The following ELFN1 variants were observed in gnomAD, a reference collection of about 807,000 sequenced individuals.
ELFN1 encodes protein ELFN1.
Under a neutral mutation model 7.6 loss-of-function variants are expected in ELFN1, and 6 were observed. The ratio of observed to expected loss-of-function variants is 0.79; its 90% CI spans 0.43 to 1.56. ELFN1 has a LOEUF of 1.56. ELFN1 is among the 40% of genes most tolerant of loss of function. The pLI, the probability that ELFN1 is intolerant of heterozygous loss-of-function variation, is 0.01. For synonymous variants in ELFN1, 657 were observed against 588.1 expected (o/e 1.12, Z -1.70); for missense variants, 1,169 against 1,232.2 (o/e 0.95, Z 0.77).
Position 1,678,148 on chromosome 7 carries a change from G to A in ELFN1, c.-549+7794G>A, listed in dbSNP as rs80340382. Among the ~76,000 whole-genome samples the A allele has an allele frequency of 8.4e-4, 128 of 152,278 alleles. 2 individuals carry two copies. In the East Asian group the frequency reaches 0.02, roughly 24 times the overall value. On this transcript the variant is annotated intron_variant, in intron 1 of 3. Coordinates refer to ENST00000424383, the MANE Select transcript of ELFN1 (RefSeq NM_001128636.4). Reference sequence around the variant, plus strand: ...GAATGGGCAGCTCCCAGCCCTGGGCGCCTGTGCCCTCACCATGCACAGTGT... The same window carrying A: ...GAATGGGCAGCTCCCAGCCCTGGGCACCTGTGCCCTCACCATGCACAGTGT...
chr7:1,737,580 T>G (rs1583395031), intron 3 of ELFN1, among the ~76,000 whole-genome samples: 1 of 152,102 alleles, frequency 6.6e-6, no homozygotes, highest in Admixed American at 6.5e-5. Context: ...TCCTTTTGAG[T>G]GTTCCCTCCA....
At chr7:1,704,268 C>T (rs911414798) in intron 2 of ELFN1, among the ~76,000 whole-genome samples, 2 of 152,076 alleles carry the variant, frequency 1.3e-5, no homozygotes, top group African/African-American at 4.8e-5. Context: ...TTCCCAGCAC[C>T]GATGGAGGCC....
At chr7:1,684,086 G>C (rs180827953) in intron 1 of ELFN1, among the ~76,000 whole-genome samples, 54 of 152,174 alleles carry the variant, frequency 3.5e-4, no homozygotes, top group East Asian at 1.9e-3. Flanking sequence ...GGAGGTTGAG[G>C]CTGCAGAAAG....
chr7:1,714,719 A>T (rs1779776116), intron 3 of ELFN1, among the ~76,000 whole-genome samples: 1 of 152,242 alleles, frequency 6.6e-6, no homozygotes, highest in Non-Finnish European at 1.5e-5. Context: ...TTCTTGTTGT[A>T]ATCAAGAGTT....
At chr7:1,697,940 C>G (rs1313941857) in intron 2 of ELFN1, among the ~76,000 whole-genome samples, 2 of 152,174 alleles carry the variant, frequency 1.3e-5, no homozygotes, top group African/African-American at 4.8e-5. Flanking sequence ...ACAGACAGGG[C>G]AGTGGGGCTG....
At position 1,746,951 on chromosome 7, in the gene ELFN1, G is replaced by A; in HGVS notation, c.2355G>A (p.Arg785=). 7 of 1,551,234 alleles carry A rather than the reference G, an allele frequency of 4.5e-6. No homozygotes were observed. Among genetic ancestry groups the A allele is most frequent in the Non-Finnish European group, 6.1e-6 (7 of 1,147,618 alleles). ...GGGAGCGCTTCAGACTGAGCCGCCG[G>A]CGGCACAAGGAGGAAGAGGAGTTCA... ...SIWERFRLSR[R]RHKEEEEFMA... The change falls in exon 4 of 4, where the codon CGG becomes CGA. Residue 785 remains arginine, a synonymous_variant. Coordinates refer to ENST00000424383, the MANE Select transcript of ELFN1 (RefSeq NM_001128636.4).
At chr7:1,701,516 A>G (rs1213480231) in intron 2 of ELFN1, among the ~76,000 whole-genome samples, 2 of 152,186 alleles carry the variant, frequency 1.3e-5, no homozygotes, top group South Asian at 2.1e-4. Context: ...TCAGTCATCA[A>G]TATATTTTTC....
intron 3 of ELFN1, among the ~76,000 whole-genome samples, chr7:1,709,633 C>T (rs1228668095): frequency 1.3e-5 from 2 of 152,214 alleles, no homozygotes; most frequent in Non-Finnish European, 2.9e-5. Context: ...AGATATGGTC[C>T]AGTGTTTGAG....
At chr7:1,689,548 C>G (rs541873734) in intron 2 of ELFN1, among the ~76,000 whole-genome samples, 106 of 152,332 alleles carry the variant, frequency 7.0e-4, no homozygotes, top group African/African-American at 2.5e-3. Context: ...CTGGTTCCAC[C>G]TTTGCTGGGG....
At chr7:1,701,426 G>A (rs1264269711) in intron 2 of ELFN1, among the ~76,000 whole-genome samples, 2 of 152,042 alleles carry the variant, frequency 1.3e-5, no homozygotes, top group African/African-American at 4.8e-5. Flanking sequence ...ATATTTTTAC[G>A]AGCAGAAATT....
At chr7:1,680,126 C>G (rs943876295) in intron 1 of ELFN1, among the ~76,000 whole-genome samples, 1 of 152,234 alleles carries the variant, frequency 6.6e-6, no homozygotes, top group African/African-American at 2.4e-5. Context: ...GCTCCGTGGT[C>G]TGGATACGAA....
intron 2 of ELFN1, among the ~76,000 whole-genome samples, chr7:1,690,636 T>C (rs1027002377): frequency 1.4e-5 from 2 of 147,780 alleles, no homozygotes; most frequent in Non-Finnish European, 3.0e-5. Context: ...GAAGGATGAA[T>C]GGATGAATGG....
intron 2 of ELFN1, among the ~76,000 whole-genome samples, chr7:1,699,428 G>A (rs983017485): frequency 6.6e-5 from 10 of 152,132 alleles, no homozygotes; most frequent in African/African-American, 2.2e-4. Flanking sequence ...ACTTGAGCCC[G>A]GGAGTTTGAA....
chr7:1,670,472 A>G lies in ELFN1; in HGVS notation c.-549+118A>G, dbSNP rs947690494. 1.3e-5 allele frequency among the ~76,000 whole-genome samples: 2 copies of G among 150,182 alleles called. No homozygotes were observed. Among genetic ancestry groups the G allele is most frequent in the African/African-American group, 2.5e-5 (1 of 40,718 alleles). On this transcript the variant is annotated intron_variant, in intron 1 of 3. Coordinates refer to ENST00000424383, the MANE Select transcript of ELFN1 (RefSeq NM_001128636.4). This position sits in a 1 kb window ranked among gnomAD's most constrained non-coding sequence, Gnocchi z 6.4. The stretch of plus-strand genomic sequence containing the variant: ...GAACCCCGGGCGTCCCCGAGTGCGC[A>G]GCGTGCGCCCCCAGCCCCTGCTGCG...
rs530244022 is a variant in ELFN1 at position 1,709,694 on chromosome 7, G to A, written c.-294+442G>A. Among the ~76,000 whole-genome samples, 8 of 152,370 alleles carry A rather than the reference G, an allele frequency of 5.3e-5. No individual in the cohort carries two copies. In the South Asian group the frequency reaches 1.0e-3, roughly 20 times the overall value. ...GGCATAGGTCACGTAGGTTAATATT[G>A]ACTTGCAGTATGTATTTGAAGCAGG... On this transcript the variant is annotated intron_variant, in intron 3 of 3. Coordinates refer to ENST00000424383, the MANE Select transcript of ELFN1 (RefSeq NM_001128636.4).
chr7:1,717,461 G>A (rs540120585), intron 3 of ELFN1, among the ~76,000 whole-genome samples: 1 of 152,218 alleles, frequency 6.6e-6, no homozygotes, highest in Non-Finnish European at 1.5e-5. Flanking sequence ...GAGGTAGGCA[G>A]TGTGTCCAGT....
chr7:1,745,918 G>C lies in ELFN1; in HGVS notation c.1322G>C (p.Arg441Pro), dbSNP rs766766017. 1.3e-6 allele frequency: 2 copies of C among 1,569,962 alleles called. No homozygotes were observed. The highest frequency in any genetic ancestry group is 3.8e-5 in the Admixed American group (2 of 53,016). ...LVLGAVYYCL[R>P]RRRRQEEKHK... ...CTGGGCGCCGTCTACTACTGCCTGC[G>C]CAGGCGGCGGCGCCAGGAGGAGAAG... is the stretch of plus-strand genomic sequence containing the variant. Residue 441 changes from arginine (R) to proline (P), a missense_variant, in exon 4 of 4, where the codon CGC becomes CCC. By Grantham distance (103) the Arg-to-Pro change is moderately radical. Around this residue, in one of 2 missense-constraint regions of ELFN1, gnomAD observed 914 missense variants for 872.6 expected, o/e 1.05. Coordinates refer to ENST00000424383, the MANE Select transcript of ELFN1 (RefSeq NM_001128636.4).
intron 2 of ELFN1, among the ~76,000 whole-genome samples, chr7:1,707,413 G>A (rs774916488): frequency 6.6e-6 from 1 of 152,248 alleles, no homozygotes; most frequent in Non-Finnish European, 1.5e-5. Context: ...TCTCCCTGGG[G>A]CTTTGCGGGA....
At chr7:1,742,720 T>C (rs1020400779) in intron 3 of ELFN1, among the ~76,000 whole-genome samples, 3 of 152,228 alleles carry the variant, frequency 2.0e-5, no homozygotes, top group Non-Finnish European at 2.9e-5. Context: ...CGAGGCCCGC[T>C]AGGACCTCGT....
Sources: gnomAD v4.1 joint callset for allele counts (sites outside exome capture counted in the v4.1 genomes callset) on GRCh38, gnomAD v4.1.1 for gene constraint, gnomAD v4.1.1 regional missense constraint, Gnocchi (gnomAD v3.1) non-coding constraint, MANE v1.5 for transcripts, NCBI Gene and HGNC (gene_info 2026-07-23, HGNC 2026-07-21) for gene names.